FREM3: variants seen among roughly 807,000 people sequenced by gnomAD.
FREM3 encodes the protein FRAS1 related extracellular matrix 3, also known as FRAS1-related extracellular matrix protein 3.
A neutral mutation model predicts 129.1 loss-of-function variants in FREM3; 105 were observed. The observed-to-expected ratio is 0.81, with a 90% confidence interval of 0.69 to 0.96. FREM3 has a LOEUF of 0.96. Among genes scored for constraint, FREM3 ranks in the 40% least tolerant of loss-of-function variants. The probability of loss-of-function intolerance (pLI) is 0.00; values close to 1 mark genes in which losing one functional copy is unlikely to be tolerated. For missense variants in FREM3, 2,593 were observed against 2,666.3 expected, an observed-to-expected ratio of 0.97 and a Z score of 0.61; for synonymous variants, 1,014 against 1,044.9, an observed-to-expected ratio of 0.97 and a Z score of 0.57.
Position 143,686,400 on chromosome 4 carries a change from T to G in FREM3, c.5275+6713A>C, listed in dbSNP as rs141693671. Among the ~76,000 whole-genome samples the G allele has an allele frequency of 6.3e-3, 957 of 152,282 alleles. 9 individuals carry two copies. Among genetic ancestry groups the G allele is most frequent in the African/African-American group, 0.022 (928 of 41,556 alleles). On this transcript the variant is annotated intron_variant, in intron 2 of 7. Coordinates refer to ENST00000329798, the MANE Select transcript of FREM3 (RefSeq NM_001168235.2). Reference sequence around the variant, plus strand: ...GTGAAGGACTTCAATACTCCACTGATGGCAACAGACAGGTAATGAAGACAG... The same window carrying G: ...GTGAAGGACTTCAATACTCCACTGAGGGCAACAGACAGGTAATGAAGACAG...
chr4:143,697,786 C>T lies in FREM3; in HGVS notation c.2890G>A (p.Ala964Thr). ...DVSIDVLENK[A>T]TEITMGVIHG... ...ATGACACCCATGGTAATTTCAGTGG[C>T]TTTATTCTCTAGTACGTCTATAGAA... Residue 964 changes from alanine to threonine, a missense_variant, in exon 1 of 8, where the codon GCC (alanine) becomes ACC (threonine). By Grantham distance (58) the Ala-to-Thr change is moderately conservative (BLOSUM62 0). This residue lies in a region of FREM3 where 2,276 missense variants were observed against 2,267.2 expected (regional missense o/e 1.00). Coordinates refer to ENST00000329798, the MANE Select transcript of FREM3 (RefSeq NM_001168235.2). 1 of 1,537,552 alleles carries T rather than the reference C, an allele frequency of 6.5e-7. No homozygotes were observed. The highest frequency in any genetic ancestry group is 8.7e-7 in the Non-Finnish European group (1 of 1,146,988).
chr4:143,661,652 T>C (rs1046552604), intron 2 of FREM3, among the ~76,000 whole-genome samples: 1 of 152,314 alleles, frequency 6.6e-6, no homozygotes, highest in Admixed American at 6.5e-5. Context: ...TGGAATAGTT[T>C]CAGAAGGAAT....
chr4:143,662,661 C>T (rs1739758728), intron 2 of FREM3, among the ~76,000 whole-genome samples: 1 of 152,022 alleles, frequency 6.6e-6, no homozygotes. Flanking sequence ...TCTCATTGAT[C>T]TGTCTAATGT....
chr4:143,640,334 A>G (rs1392410548), intron 2 of FREM3, among the ~76,000 whole-genome samples: 1 of 152,246 alleles, frequency 6.6e-6, no homozygotes, highest in Non-Finnish European at 1.5e-5. Context: ...TTCTGGAGAA[A>G]AAAATGACCT....
rs60194495 is a variant in FREM3 at position 143,597,560 on chromosome 4, A to T, written c.6029-11567T>A. On this transcript the variant is annotated intron_variant, in intron 6 of 7. Transcript: ENST00000329798. ...TTTGGCTTTTAAAACCAATAAATAC[A>T]TTCAGTACAGTTGCAAAATACAAAT... Among the ~76,000 whole-genome samples the T allele has an allele frequency of 7.5e-3, 1,136 of 152,314 alleles. 13 individuals are homozygous for T. The highest frequency in any genetic ancestry group is 0.026 in the African/African-American group (1,063 of 41,570).
intron 6 of FREM3, among the ~76,000 whole-genome samples, chr4:143,594,333 G>A (rs1273410124): frequency 1.3e-5 from 2 of 152,186 alleles, no homozygotes; most frequent in African/African-American, 4.8e-5. Flanking sequence ...GCTGGGAGCT[G>A]TAGACTGGAG....
At chr4:143,675,757 A>C (rs1315263457) in intron 2 of FREM3, among the ~76,000 whole-genome samples, 1 of 152,228 alleles carries the variant, frequency 6.6e-6, no homozygotes, top group African/African-American at 2.4e-5. Context: ...AGAATACTAT[A>C]AACACCTCTA....
chr4:143,631,228 C>A (rs1341922718), intron 2 of FREM3, among the ~76,000 whole-genome samples: 9 of 152,138 alleles, frequency 5.9e-5, no homozygotes, highest in African/African-American at 2.2e-4. Flanking sequence ...GATTCTGGGG[C>A]TGGCTTAGTT....
At chr4:143,593,294 G>C (rs1383457590) in intron 6 of FREM3, among the ~76,000 whole-genome samples, 1 of 152,210 alleles carries the variant, frequency 6.6e-6, no homozygotes. Flanking sequence ...GCGTTCCTTT[G>C]GAGGAGGAGA....
chr4:143,653,189 G>A (rs1024964370), intron 2 of FREM3, among the ~76,000 whole-genome samples: 4 of 152,256 alleles, frequency 2.6e-5, no homozygotes, highest in Admixed American at 2.0e-4. Context: ...GCTTCAATGA[G>A]TCAGAAGTCC....
At chr4:143,675,607 T>C (rs1223782913) in intron 2 of FREM3, among the ~76,000 whole-genome samples, 1 of 152,004 alleles carries the variant, frequency 6.6e-6, no homozygotes, top group African/African-American at 2.4e-5. Context: ...CAGGAGCTGG[T>C]TTTTTGAAAA....
intron 6 of FREM3, among the ~76,000 whole-genome samples, chr4:143,590,956 T>C (rs7442321): frequency 6.6e-6 from 1 of 152,332 alleles, no homozygotes; most frequent in South Asian, 2.1e-4. Context: ...TTCTTCCTGG[T>C]TTAGTCTTGG....
intron 6 of FREM3, among the ~76,000 whole-genome samples, chr4:143,607,575 G>A (rs927299631): frequency 6.6e-6 from 1 of 152,138 alleles, no homozygotes; most frequent in African/African-American, 2.4e-5. Context: ...GTTAGGTTGA[G>A]AATCCTTGAC....
chr4:143,590,378 C>G (rs1738335962), intron 6 of FREM3, among the ~76,000 whole-genome samples: 1 of 152,178 alleles, frequency 6.6e-6, no homozygotes, highest in South Asian at 2.1e-4. Flanking sequence ...GTGGGTTTGT[C>G]ATAGATAGCT....
intron 2 of FREM3, among the ~76,000 whole-genome samples, chr4:143,627,988 C>A (rs547801816): frequency 7.3e-4 from 111 of 152,180 alleles, no homozygotes; most frequent in African/African-American, 2.5e-3. Context: ...AGCCAGGTGC[C>A]TCCTATTCCC....
In FREM3 at chr4:143,585,913, C is replaced by A; in HGVS notation, c.6109G>T (p.Gly2037Cys). The change falls in exon 7 of 8, where the codon GGC becomes TGC. Residue 2037 changes from glycine to cysteine, a missense_variant. Transcript: ENST00000329798. This position sits in a 1 kb window ranked among gnomAD's most constrained non-coding sequence, Gnocchi z 4.2. ...RYVEVCVWRR[G>C]TDLSQPSSIA... is the part of the protein sequence containing the mutation. ...GATGATGGTTGGGAAAGATCAGTGC[C>A]TCTTCTCCAAACACAAACCTCCACG... 6.5e-7 allele frequency: 1 copy of A among 1,537,422 alleles called. No homozygotes were observed. The highest frequency in any genetic ancestry group is 8.7e-7 in the Non-Finnish European group (1 of 1,146,954).
At chr4:143,611,771 TA>T (rs1014093641) in intron 5 of FREM3, among the ~76,000 whole-genome samples, 26 of 152,200 alleles carry the variant, frequency 1.7e-4, no homozygotes, top group African/African-American at 3.9e-4. Flanking sequence ...TTGTTTATAT[TA>T]GGGGCTAAAT....
At chr4:143,664,188 G>A (rs1739803747) in intron 2 of FREM3, among the ~76,000 whole-genome samples, 1 of 152,086 alleles carries the variant, frequency 6.6e-6, no homozygotes, top group Admixed American at 6.6e-5. Flanking sequence ...CAGTTTTTCT[G>A]CTCTGTTTTT....
At chr4:143,673,592 TAGG>T (rs1740045270) in intron 2 of FREM3, among the ~76,000 whole-genome samples, 1 of 152,186 alleles carries the variant, frequency 6.6e-6, no homozygotes, top group Non-Finnish European at 1.5e-5. Flanking sequence ...AACTCCATGC[TAGG>T]AGAACCACTA....
Sources: gnomAD v4.1 joint callset for allele counts (sites outside exome capture counted in the v4.1 genomes callset) on GRCh38, gnomAD v4.1.1 for gene constraint, gnomAD v4.1.1 regional missense constraint, Gnocchi (gnomAD v3.1) non-coding constraint, MANE v1.5 for transcripts, NCBI Gene and HGNC (gene_info 2026-07-23, HGNC 2026-07-21) for gene names.